Variants in COL6A6 observed in about 807,000 individuals in gnomAD.
COL6A6 encodes the protein collagen alpha-6(VI) chain.
In COL6A6, 183 loss-of-function variants were observed where a neutral mutation model predicts 208.6. The ratio of observed to expected loss-of-function variants is 0.88; its 90% CI spans 0.78 to 0.99. The LOEUF is 0.99. COL6A6 is among the 50% of genes least tolerant of loss of function. The pLI is 0.00. For synonymous variants in COL6A6, 973 were observed against 1,011.8 expected, an observed-to-expected ratio of 0.96 and a Z score of 0.73; for missense variants, 2,816 against 2,815.2, an observed-to-expected ratio of 1.00 and a Z score of -0.01.
At chr3:130,597,303 G>A (rs1208777018) in intron 18 of COL6A6, among the ~76,000 whole-genome samples, 1 of 152,164 alleles carries the variant, frequency 6.6e-6, no homozygotes, top group Non-Finnish European at 1.5e-5. Context: ...TTTGGTAGGT[G>A]GAGGAAAGAA....
At position 130,649,302 on chromosome 3, in the gene COL6A6, C is replaced by A; in HGVS notation, c.5473C>A (p.Leu1825Ile). Residue 1825 changes from leucine (L) to isoleucine (I), a missense_variant, in exon 33 of 37, where the codon CTC becomes ATC. Transcript: ENST00000358511. ...FSDAYKKSQL[L>I]REIETIPYER... ...AGACGCCTACAAGAAGAGTCAACTT[C>A]TCAGAGAAATTGAAACTATTCCTTA... The A allele has an allele frequency of 6.2e-7, 1 of 1,606,580 alleles. No individual in the cohort carries two copies. The highest frequency in any genetic ancestry group is 2.2e-5 in the East Asian group (1 of 44,698).
chr3:130,535,998 TA>T (rs2062215204), intron 1 of COL6A6, among the ~76,000 whole-genome samples: 2 of 152,236 alleles, frequency 1.3e-5, no homozygotes, highest in South Asian at 4.1e-4. Flanking sequence ...CTATGAATAC[TA>T]AATGGTAGCT....
intron 8 of COL6A6, among the ~76,000 whole-genome samples, chr3:130,578,320 T>C (rs1488970511): frequency 6.6e-6 from 1 of 152,204 alleles, no homozygotes; most frequent in Non-Finnish European, 1.5e-5. Context: ...GTCCAACTTT[T>C]CTTAATAAGG....
chr3:130,575,650 C>T (rs951988158), intron 8 of COL6A6, among the ~76,000 whole-genome samples: 1 of 152,212 alleles, frequency 6.6e-6, no homozygotes, highest in Non-Finnish European at 1.5e-5. Context: ...CTTCCAGGTG[C>T]TCCTCCATCT....
At chr3:130,590,066 T>A in intron 12 of COL6A6, 1 of 424,778 alleles carries the variant, frequency 2.4e-6, no homozygotes, top group South Asian at 1.8e-5. Context: ...ATGTGTAGCA[T>A]AAATCTTAAA....
In COL6A6 at chr3:130,517,275, C is replaced by G. The variant is rs12490168; in HGVS notation, c.-154C>G. On this transcript the variant is annotated 5_prime_UTR_variant, in exon 1 of 37. Transcript: ENST00000358511. ...AGGTCTCCACCGTCTCCCCGCGCGC[C>G]GCAGGCGGCACCAAACTCTGCGCTC... Among the ~76,000 whole-genome samples the G allele has an allele frequency of 0.87, 131,885 of 152,234 alleles. 57,839 individuals are homozygous for G. The highest frequency in any genetic ancestry group is 0.94 in the Non-Finnish European group (63,981 of 68,016).
chr3:130,569,441 G>A (rs1393080822), intron 6 of COL6A6, among the ~76,000 whole-genome samples: 2 of 152,100 alleles, frequency 1.3e-5, no homozygotes, highest in Non-Finnish European at 2.9e-5. Context: ...GCCAATATAA[G>A]GGGCTGATTT....
At chr3:130,578,877 G>T (rs999349746) in intron 8 of COL6A6, among the ~76,000 whole-genome samples, 2 of 152,174 alleles carry the variant, frequency 1.3e-5, no homozygotes, top group Non-Finnish European at 2.9e-5. Flanking sequence ...TCAAAGCCAG[G>T]CTGTCACTTC....
rs142308863 is a variant in COL6A6 at position 130,531,949 on chromosome 3, T to C, written c.-32+14552T>C. Among the ~76,000 whole-genome samples the C allele has an allele frequency of 2.6e-3, 400 of 152,330 alleles. 10 individuals carry two copies. The highest frequency in any genetic ancestry group is 0.012 in the Admixed American group (178 of 15,300). On this transcript the variant is annotated intron_variant, in intron 1 of 36. Transcript: ENST00000358511. ...ACCATGCCTTTTTCTGGTATAGAGA[T>C]AGCACAGGGGAAGAGGTTTTGGGAG... is the stretch of plus-strand genomic sequence containing the variant.
At chr3:130,581,370 T>C (rs1436049013) in intron 8 of COL6A6, among the ~76,000 whole-genome samples, 191 bp from the exon 9 acceptor site, 1 of 152,210 alleles carries the variant, frequency 6.6e-6, no homozygotes, top group Admixed American at 6.5e-5. Context: ...AAAATAATAA[T>C]GAACCCTTAC....
chr3:130,538,656 T>G (rs2062281433), intron 1 of COL6A6, among the ~76,000 whole-genome samples: 1 of 152,232 alleles, frequency 6.6e-6, no homozygotes, highest in Admixed American at 6.5e-5. Context: ...GCTATAGAAC[T>G]AGGATTTTAA....
intron 26 of COL6A6, among the ~76,000 whole-genome samples, 167 bp from the exon 27 acceptor site, chr3:130,634,423 A>T: frequency 6.6e-6 from 1 of 152,260 alleles, no homozygotes; most frequent in South Asian, 2.1e-4. Flanking sequence ...CTTATAATTT[A>T]GTTTGTTTCT....
intron 34 of COL6A6, among the ~76,000 whole-genome samples, chr3:130,659,827 G>A (rs2065894389): frequency 6.6e-6 from 1 of 152,182 alleles, no homozygotes; most frequent in African/African-American, 2.4e-5. Flanking sequence ...TGACCTAAAT[G>A]AGGAAGGTAG....
intron 23 of COL6A6, among the ~76,000 whole-genome samples, chr3:130,617,178 T>C (rs1340730768): frequency 6.6e-6 from 1 of 152,206 alleles, no homozygotes; most frequent in Non-Finnish European, 1.5e-5. Flanking sequence ...TTTACTCATT[T>C]AACAAACATT....
chr3:130,628,444 A>G (rs1205224516), intron 26 of COL6A6, among the ~76,000 whole-genome samples: 1 of 152,238 alleles, frequency 6.6e-6, no homozygotes, highest in Non-Finnish European at 1.5e-5. Flanking sequence ...TTTAAAAGCT[A>G]AAAGGAAATA....
intron 1 of COL6A6, among the ~76,000 whole-genome samples, chr3:130,519,240 A>C (rs991303934): frequency 6.6e-6 from 1 of 152,230 alleles, no homozygotes; most frequent in Non-Finnish European, 1.5e-5. Flanking sequence ...AATAATCTCT[A>C]TACTTAGTAC....
At chr3:130,544,646 T>C (rs112211415) in intron 1 of COL6A6, among the ~76,000 whole-genome samples, 5,847 of 152,114 alleles carry the variant, frequency 0.038, 194 homozygotes, top group African/African-American at 0.084. Flanking sequence ...CAATCTACAT[T>C]CCCACCAACA....
chr3:130,596,461 A>G lies in COL6A6; in HGVS notation c.4534-1904A>G, dbSNP rs564717183. On this transcript the variant is annotated intron_variant, in intron 18 of 36. Transcript: ENST00000358511. Reference sequence around the variant, plus strand: ...CTTTCTATTTTAAAAGAAATGCTCTATGACTTCCAACTGTAAAACAACTCT... The same window carrying G: ...CTTTCTATTTTAAAAGAAATGCTCTGTGACTTCCAACTGTAAAACAACTCT... Among the ~76,000 whole-genome samples the G allele has an allele frequency of 9.2e-5, 14 of 152,340 alleles. 1 individual carries two copies. In the South Asian group the frequency reaches 2.5e-3, roughly 27 times the overall value.
chr3:130,671,745 G>A (rs2066221500), intron 36 of COL6A6, among the ~76,000 whole-genome samples: 1 of 152,208 alleles, frequency 6.6e-6, no homozygotes, highest in African/African-American at 2.4e-5. Context: ...AATACATGTA[G>A]AAGCTGGTGC....
Sources: gnomAD v4.1 joint callset for allele counts (sites outside exome capture counted in the v4.1 genomes callset) on GRCh38, gnomAD v4.1.1 for gene constraint, MANE v1.5 for transcripts, NCBI Gene and HGNC (gene_info 2026-07-23, HGNC 2026-07-21) for gene names.